Variants in RALYL observed in about 807,000 individuals in gnomAD.
RALYL encodes the protein RNA-binding Raly-like protein.
Under a neutral mutation model 35.1 loss-of-function variants are expected in RALYL, and 29 were observed. The observed-to-expected ratio is 0.83, with a 90% confidence interval of 0.61 to 1.13. The LOEUF (loss-of-function observed/expected upper bound fraction) is 1.13. RALYL is among the 50% of genes most tolerant of loss of function. RALYL has a pLI of 0.00. For synonymous variants in RALYL, 120 were observed against 127.6 expected (o/e 0.94, Z 0.40); for missense variants, 359 against 360.4 (o/e 1.00, Z 0.03).
At chr8:84,630,040 A>G (rs1823584391) in intron 2 of RALYL, among the ~76,000 whole-genome samples, 1 of 152,052 alleles carries the variant, frequency 6.6e-6, no homozygotes, top group African/African-American at 2.4e-5. Context: ...CTGATTACCA[A>G]GAGAAAACAT....
intron 3 of RALYL, among the ~76,000 whole-genome samples, chr8:84,792,304 T>G (rs1820972722): frequency 6.6e-6 from 1 of 151,928 alleles, no homozygotes; most frequent in Admixed American, 6.6e-5. Context: ...GGGGATGGAG[T>G]GGGAAGATGA....
At chr8:84,768,686 A>T (rs1206687444) in intron 2 of RALYL, among the ~76,000 whole-genome samples, 1 of 152,174 alleles carries the variant, frequency 6.6e-6, no homozygotes, top group Non-Finnish European at 1.5e-5. Flanking sequence ...CAGAATGCAA[A>T]TTGCTTTCCT....
intron 5 of RALYL, among the ~76,000 whole-genome samples, chr8:84,859,127 G>T (rs1837614268): frequency 6.6e-6 from 1 of 152,176 alleles, no homozygotes; most frequent in African/African-American, 2.4e-5. Context: ...CCTGGTGACA[G>T]AATTTTCTGG....
intron 1 of RALYL, among the ~76,000 whole-genome samples, chr8:84,425,412 G>A (rs576304013): frequency 2.6e-5 from 4 of 152,198 alleles, no homozygotes; most frequent in South Asian, 4.2e-4. Context: ...TTCGGCTCGC[G>A]CACGGTGCGC....
intron 4 of RALYL, among the ~76,000 whole-genome samples, chr8:84,811,859 A>G (rs1015906358): frequency 6.6e-6 from 1 of 151,942 alleles, no homozygotes; most frequent in Non-Finnish European, 1.5e-5. Context: ...TGTTTCCTGA[A>G]TTTTTTATTA....
chr8:84,270,769 A>G (rs2131937472), intron 1 of RALYL, among the ~76,000 whole-genome samples: 1 of 152,314 alleles, frequency 6.6e-6, no homozygotes, highest in East Asian at 1.9e-4. Flanking sequence ...AAATTTTGCC[A>G]ATAGGTAAGT....
chr8:84,735,127 T>C (rs1847007051), intron 2 of RALYL, among the ~76,000 whole-genome samples: 1 of 151,486 alleles, frequency 6.6e-6, no homozygotes, highest in Non-Finnish European at 1.5e-5. Flanking sequence ...GGACTGTTCG[T>C]TACCAACTTA....
Position 84,862,466 on chromosome 8 carries a change from C to T in RALYL, c.571+13C>T, listed in dbSNP as rs758273488. 1.4e-5 allele frequency: 21 copies of T among 1,543,458 alleles called. No individual in the cohort carries two copies. The African/African-American group carries it at 2.7e-4, about 19-fold the overall frequency. ...ACAGGTTCTAAATGTAAGTAATGTC[C>T]TTCATTTTATTTCTCTTTAAAGAAG... On this transcript the variant is annotated intron_variant, in intron 6 of 8. Coordinates refer to ENST00000521268, the MANE Select transcript of RALYL (RefSeq NM_173848.7).
rs1476733136 is a variant in RALYL, at chr8:84,887,708, G to A, written c.790G>A (p.Asp264Asn). 1 of 1,613,824 alleles carries A rather than the reference G, an allele frequency of 6.2e-7. No individual in the cohort carries two copies. Among genetic ancestry groups the A allele is most frequent in the African/African-American group, 1.3e-5 (1 of 74,942 alleles). ...STEEPAEGGP[D>N]ADGEEMTDGI... Reference sequence around the variant, plus strand: ...AGAGGAGCCTGCTGAAGGAGGGCCAGATGCCGATGGAGAAGAGATGACAGA... The same window carrying A: ...AGAGGAGCCTGCTGAAGGAGGGCCAAATGCCGATGGAGAAGAGATGACAGA... Residue 264 changes from aspartate to asparagine, a missense_variant, in exon 8 of 9, where the codon GAT becomes AAT. By Grantham distance (23) the Asp-to-Asn change is conservative (BLOSUM62 1). Coordinates refer to ENST00000521268, the MANE Select transcript of RALYL (RefSeq NM_173848.7).
intron 4 of RALYL, among the ~76,000 whole-genome samples, chr8:84,829,795 C>A (rs1247429926): frequency 6.6e-6 from 1 of 151,900 alleles, no homozygotes; most frequent in African/African-American, 2.4e-5. Flanking sequence ...TCCCTATGAG[C>A]CTCTGATCAC....
At chr8:84,655,343 T>C (rs942794511) in intron 2 of RALYL, among the ~76,000 whole-genome samples, 2 of 152,228 alleles carry the variant, frequency 1.3e-5, no homozygotes, top group East Asian at 3.9e-4. Context: ...GTTGTTGTTT[T>C]TTTGAGTCAG....
chr8:84,497,071 C>T (rs912260955), intron 1 of RALYL, among the ~76,000 whole-genome samples: 17 of 152,100 alleles, frequency 1.1e-4, no homozygotes, highest in Non-Finnish European at 2.4e-4. Context: ...CCTGGAACCA[C>T]TTAGGCTTAT....
chr8:84,813,305 G>C (rs1826339571), intron 4 of RALYL, among the ~76,000 whole-genome samples: 1 of 152,194 alleles, frequency 6.6e-6, no homozygotes, highest in African/African-American at 2.4e-5. Context: ...GCCTCCTTCA[G>C]AGGGTCTGTG....
At chr8:84,465,249 T>A (rs2051418423) in intron 1 of RALYL, among the ~76,000 whole-genome samples, 1 of 125,084 alleles carries the variant, frequency 8.0e-6, no homozygotes, top group Non-Finnish European at 1.7e-5. Flanking sequence ...TGCCTAGGTT[T>A]TCTTCTAGGG....
chr8:84,539,828 GTATACATATATA>G (rs1375613288), intron 2 of RALYL, among the ~76,000 whole-genome samples: 1 of 4,760 alleles, frequency 2.1e-4, no homozygotes, highest in Admixed American at 3.1e-3. Context: ...AAGTGATCAA[GTATACATATATA>G]TATATATATA....
At chr8:84,615,103 G>A (rs1342561055) in intron 2 of RALYL, among the ~76,000 whole-genome samples, 3 of 151,664 alleles carry the variant, frequency 2.0e-5, no homozygotes, top group Admixed American at 1.3e-4. Flanking sequence ...CAATATGTGT[G>A]CTTTTTTAAG....
chr8:84,735,899 C>A (rs1451322110), intron 2 of RALYL, among the ~76,000 whole-genome samples: 1 of 151,692 alleles, frequency 6.6e-6, no homozygotes, highest in African/African-American at 2.4e-5. Flanking sequence ...ATCTCAGACA[C>A]AGAAATTTTT....
intron 1 of RALYL, among the ~76,000 whole-genome samples, chr8:84,503,041 T>C (rs749008155): frequency 3.3e-5 from 5 of 152,076 alleles, no homozygotes; most frequent in Non-Finnish European, 5.9e-5. Flanking sequence ...GAAGAAATAT[T>C]GGCACGGGAA....
At chr8:84,615,251 T>C (rs1819215037) in intron 2 of RALYL, among the ~76,000 whole-genome samples, 1 of 151,584 alleles carries the variant, frequency 6.6e-6, no homozygotes, top group Non-Finnish European at 1.5e-5. Context: ...AGAGGACTGT[T>C]AGAGATTCTT....
Sources: gnomAD v4.1 joint callset for allele counts (sites outside exome capture counted in the v4.1 genomes callset) on GRCh38, gnomAD v4.1.1 for gene constraint, MANE v1.5 for transcripts, NCBI Gene and HGNC (gene_info 2026-07-23, HGNC 2026-07-21) for gene names.